The following EXT1 variants were observed in gnomAD, a reference collection of about 807,000 sequenced individuals.
The protein encoded by EXT1 is exostosin-1.
A neutral mutation model predicts 82.5 loss-of-function variants in EXT1; 20 were observed. The ratio of observed to expected loss-of-function variants is 0.24; its 90% CI spans 0.17 to 0.35. EXT1 has a LOEUF of 0.35. Among genes scored for constraint, EXT1 ranks in the 10% least tolerant of loss-of-function variants. The probability of loss-of-function intolerance (pLI) is 1.00; values close to 1 mark genes in which losing one functional copy is unlikely to be tolerated. For synonymous variants in EXT1, 348 were observed against 350.8 expected, an observed-to-expected ratio of 0.99 and a Z score of 0.09; for missense variants, 757 against 936.5, an observed-to-expected ratio of 0.81 and a Z score of 2.50.
intron 7 of EXT1, among the ~76,000 whole-genome samples, chr8:117,813,849 T>C (rs1823376028): frequency 6.6e-6 from 1 of 151,754 alleles, no homozygotes; most frequent in Admixed American, 6.6e-5. Context: ...CTACTAAAAA[T>C]ACAAAAATTA....
intron 1 of EXT1, among the ~76,000 whole-genome samples, chr8:117,999,790 C>A (rs573716467): frequency 1.1e-4 from 16 of 152,188 alleles, no homozygotes; most frequent in African/African-American, 3.1e-4. Context: ...AAAAAAAGTT[C>A]TTTTTACACC....
intron 1 of EXT1, among the ~76,000 whole-genome samples, chr8:117,880,194 G>C (rs1442518190): frequency 5.3e-5 from 8 of 152,208 alleles, no homozygotes; most frequent in Non-Finnish European, 1.5e-5. Context: ...TACAACATGT[G>C]TGTAGAACTC....
intron 1 of EXT1, among the ~76,000 whole-genome samples, chr8:117,858,712 A>G (rs576619233): frequency 1.5e-4 from 10 of 66,180 alleles, no homozygotes; most frequent in East Asian, 9.0e-4. Context: ...AAGAAAAGAA[A>G]GAAGGAAGGA....
chr8:117,986,235 G>A (rs1047214349), intron 1 of EXT1, among the ~76,000 whole-genome samples: 1 of 149,990 alleles, frequency 6.7e-6, no homozygotes, highest in Non-Finnish European at 1.5e-5. Flanking sequence ...TGTCGCCCAG[G>A]CTGGAGTGCA....
At chr8:117,882,019 T>C (rs1813070254) in intron 1 of EXT1, among the ~76,000 whole-genome samples, 3 of 152,190 alleles carry the variant, frequency 2.0e-5, no homozygotes, top group Non-Finnish European at 4.4e-5. Context: ...TTTCTGCCAT[T>C]TAACACCTGT....
At chr8:117,939,649 A>T (rs567357221) in intron 1 of EXT1, among the ~76,000 whole-genome samples, 1 of 152,200 alleles carries the variant, frequency 6.6e-6, no homozygotes. Context: ...AAGTCCCACA[A>T]CTGATAACTA....
chr8:118,007,441 T>C (rs1022034223), intron 1 of EXT1, among the ~76,000 whole-genome samples: 2 of 152,192 alleles, frequency 1.3e-5, no homozygotes, highest in South Asian at 2.1e-4. Flanking sequence ...ATATTTTTGA[T>C]AACTTGGTGA....
intron 1 of EXT1, among the ~76,000 whole-genome samples, chr8:118,037,964 C>G (rs536282142): frequency 6.6e-6 from 1 of 151,814 alleles, no homozygotes; most frequent in South Asian, 2.1e-4. Flanking sequence ...CCTCAGCCTC[C>G]CAAGTAGCTG....
intron 1 of EXT1, among the ~76,000 whole-genome samples, chr8:117,926,710 A>G (rs1260334660): frequency 6.6e-6 from 1 of 152,216 alleles, no homozygotes; most frequent in Non-Finnish European, 1.5e-5. Flanking sequence ...GCAAGAAGGC[A>G]GACAGTTCAA....
At chr8:117,982,482 G>C (rs1428057050) in intron 1 of EXT1, among the ~76,000 whole-genome samples, 2 of 151,918 alleles carry the variant, frequency 1.3e-5, no homozygotes, top group African/African-American at 4.8e-5. Context: ...ACTATTTAGG[G>C]CTTTAATTAT....
chr8:117,855,670 C>CTTTA (rs977139019), intron 1 of EXT1, among the ~76,000 whole-genome samples: 1 of 152,128 alleles, frequency 6.6e-6, no homozygotes, highest in Non-Finnish European at 1.5e-5. Context: ...ACGTCTCTCA[C>CTTTA]TTTATTTATT....
chr8:118,000,860 G>A (rs962376675), intron 1 of EXT1, among the ~76,000 whole-genome samples: 1 of 152,150 alleles, frequency 6.6e-6, no homozygotes, highest in African/African-American at 2.4e-5. Context: ...CACAAAGAAA[G>A]TGATGTGATC....
chr8:117,919,068 T>G (rs1158362827), intron 1 of EXT1, among the ~76,000 whole-genome samples: 1 of 152,196 alleles, frequency 6.6e-6, no homozygotes, highest in South Asian at 2.1e-4. Context: ...GAGACCTTTG[T>G]TTTAGCCTCA....
chr8:117,998,041 G>C (rs1283612022), intron 1 of EXT1, among the ~76,000 whole-genome samples: 2 of 145,060 alleles, frequency 1.4e-5, no homozygotes, highest in Admixed American at 1.4e-4. Context: ...TTGAGACGGA[G>C]TCTTGCTCTG....
At position 117,837,186 on chromosome 8, in the gene EXT1, T is replaced by C. The variant is rs2129791475; in HGVS notation, c.978A>G (p.Glu326=). The C allele has an allele frequency of 2.5e-6, 4 of 1,613,654 alleles. No homozygotes were observed. The Middle Eastern group carries it at 6.6e-4, about 266-fold the overall frequency. ...NTEYEKYDYR[E]MLHNATFCLV... is the part of the protein sequence containing the mutation. ...GACAGAAAGTGGCATTGTGCAGCAT[T>C]TCCCGATAATCATACCTAGAAAGAG... is the stretch of plus-strand genomic sequence containing the variant. The change falls in exon 2 of 11, where the codon GAA becomes GAG. Residue 326 remains glutamate, a synonymous_variant. Coordinates refer to ENST00000378204, the MANE Select transcript of EXT1 (RefSeq NM_000127.3).
At chr8:117,991,957 C>A (rs906042115) in intron 1 of EXT1, among the ~76,000 whole-genome samples, 7 of 152,214 alleles carry the variant, frequency 4.6e-5, no homozygotes, top group Non-Finnish European at 8.8e-5. Flanking sequence ...AAGTCTACTA[C>A]CATCAGGGTC....
Position 117,812,942 on chromosome 8 carries a change from A to T in EXT1, c.1652T>A (p.Leu551Gln), listed in dbSNP as rs745890180. 1.1e-5 allele frequency: 18 copies of T among 1,613,834 alleles called. No homozygotes were observed. In the African/African-American group the frequency reaches 2.3e-4, roughly 20 times the overall value. ...GESKVMSSRF[L>Q]PYDNIITDAV... ...GTCTGTGATGATGTTGTCGTAGGGC[A>T]GAAAACGGCTGCTCATAACCTGGGA... The change falls in exon 8 of 11, where the codon CTG becomes CAG. Residue 551 changes from leucine to glutamine, a missense_variant. By Grantham distance (113) the Leu-to-Gln change is moderately radical. Transcript: ENST00000378204.
chr8:117,877,693 C>T (rs1812994624), intron 1 of EXT1, among the ~76,000 whole-genome samples: 1 of 151,986 alleles, frequency 6.6e-6, no homozygotes, highest in Non-Finnish European at 1.5e-5. Context: ...ATATAGCAGC[C>T]CCTCCCGCTT....
intron 5 of EXT1, 88 bp downstream of exon 5, chr8:117,822,377 C>G: frequency 1.4e-6 from 2 of 1,429,658 alleles, no homozygotes; most frequent in Non-Finnish European, 2.0e-6. Flanking sequence ...TTAGATGGAC[C>G]CCATTAGAGT....
Sources: allele counts gnomAD v4.1 joint callset (sites outside exome capture counted in the v4.1 genomes callset), GRCh38; gene constraint gnomAD v4.1.1; transcripts MANE v1.5; gene names NCBI Gene and HGNC (gene_info 2026-07-23, HGNC 2026-07-21).